GASK1A: variants seen among roughly 807,000 people sequenced by gnomAD.
The protein encoded by GASK1A is golgi associated kinase 1A, also known as Golgi-associated kinase 1A.
GASK1A carries 40 observed loss-of-function variants against 41.2 expected under a neutral mutation model. That is an observed-to-expected ratio of 0.97 (90% CI 0.75 to 1.27). The LOEUF is 1.27. GASK1A is among the 50% of genes most tolerant of loss of function. GASK1A has a pLI of 0.00. For synonymous variants in GASK1A, 316 were observed against 307.1 expected (o/e 1.03, Z -0.30); for missense variants, 678 against 745.1 (o/e 0.91, Z 1.05).
intron 1 of GASK1A, among the ~76,000 whole-genome samples, chr3:43,030,293 G>T (rs892947419): frequency 1.3e-5 from 2 of 152,200 alleles, no homozygotes; most frequent in Non-Finnish European, 2.9e-5. Flanking sequence ...AGGCATGAGC[G>T]ACCGCGCCCA....
At chr3:43,052,782 A>G (rs2089697315) in intron 2 of GASK1A, among the ~76,000 whole-genome samples, 1 of 152,176 alleles carries the variant, frequency 6.6e-6, no homozygotes, top group Non-Finnish European at 1.5e-5. Context: ...TGTCCTAGAT[A>G]CTTACAGCAG....
intron 1 of GASK1A, among the ~76,000 whole-genome samples, chr3:43,002,122 T>C (rs1451698546): frequency 3.3e-5 from 5 of 152,236 alleles, no homozygotes; most frequent in African/African-American, 7.2e-5. Flanking sequence ...TAGGTCCGCA[T>C]TCAAACATTC....
intron 1 of GASK1A, among the ~76,000 whole-genome samples, chr3:43,027,573 A>T (rs1461466610): frequency 6.6e-6 from 1 of 152,200 alleles, no homozygotes; most frequent in African/African-American, 2.4e-5. Context: ...AGGGAGGGCA[A>T]GGAGGGGGAA....
Position 43,033,065 on chromosome 3 carries a change from A to T in GASK1A, c.802A>T (p.Met268Leu), listed in dbSNP as rs1214921895. The T allele has an allele frequency of 3.2e-6, 5 of 1,551,686 alleles. No homozygotes were observed. In the East Asian group the frequency reaches 9.8e-5, roughly 30 times the overall value. ...ATGGCTGACAGACCACGATGTGCAG[A>T]TGCTCCGTCTGTTGGCACAGGGGGA... ...PPWLTDHDVQ[M>L]LRLLAQGEVV... The change falls in exon 2 of 5, where the codon ATG becomes TTG. Residue 268 changes from methionine to leucine, a missense_variant. Physicochemically the swap from Met to Leu is conservative, Grantham distance 15. Transcript: ENST00000430121.
In GASK1A at chr3:43,056,736, G is replaced by A. The variant is rs113216258; in HGVS notation, c.*350G>A. On this transcript the variant is annotated 3_prime_UTR_variant, in exon 5 of 5. Coordinates refer to ENST00000430121, the MANE Select transcript of GASK1A (RefSeq NM_001129908.3). The stretch of plus-strand genomic sequence containing the variant: ...GTAGGTGTGGGTGGCATGTGTGCCC[G>A]CCTGCATGCAATACCTGAGACCAAC... 20 of 174,710 alleles carry A rather than the reference G, an allele frequency of 1.1e-4. No homozygotes were observed. Among genetic ancestry groups the A allele is most frequent in the East Asian group, 3.0e-4 (2 of 6,662 alleles). The allele number at this position is 174,710 out of a possible 1,614,324, so 10.8% of individuals were successfully genotyped here.
At chr3:43,055,609 T>C (rs977057836) in intron 4 of GASK1A, 74 bp downstream of exon 4, 5 of 1,086,608 alleles carry the variant, frequency 4.6e-6, no homozygotes, top group Non-Finnish European at 6.9e-6. Context: ...CTTGGGACCT[T>C]CAACTGTGGC....
rs768249342 is a variant in GASK1A, at chr3:43,032,372, C to T, written c.109C>T (p.Arg37Cys). Residue 37 changes from arginine (R) to cysteine (C), a missense_variant, in exon 2 of 5, where the codon CGT becomes TGT. Transcript: ENST00000430121. ...AMAVTRFPPQRPSAGPDPGPM... is the reference protein window; with the variant it reads ...AMAVTRFPPQCPSAGPDPGPM... ...GGCTGTCACCCGCTTTCCCCCACAG[C>T]GTCCATCCGCCGGCCCAGACCCTGG... The T allele has an allele frequency of 9.7e-5, 151 of 1,551,520 alleles. No individual in the cohort carries two copies. The highest frequency in any genetic ancestry group is 1.2e-4 in the Non-Finnish European group (143 of 1,146,924).
chr3:43,037,102 C>A, intron 2 of GASK1A: 1 of 715,048 alleles, frequency 1.4e-6, no homozygotes, highest in South Asian at 1.9e-5. Context: ...GATTGCACAA[C>A]ACTAAAAGTC....
Position 43,032,728 on chromosome 3 carries a change from G to T in GASK1A, c.465G>T (p.Gln155His). 1.9e-6 allele frequency: 3 copies of T among 1,551,514 alleles called. No homozygotes were observed. The highest frequency in any genetic ancestry group is 2.6e-6 in the Non-Finnish European group (3 of 1,146,994). ...GAACCAAAGACCTGGGCCACCCCCA[G>T]CATGGCAGTCCCATCCAGGAGACAC... Reference protein sequence around the residue: ...DPGTKDLGHPQHGSPIQETQS... With the variant: ...DPGTKDLGHPHHGSPIQETQS... Residue 155 changes from glutamine (Q) to histidine (H), a missense_variant, in exon 2 of 5, where the codon CAG (glutamine) becomes CAT (histidine). Coordinates refer to ENST00000430121, the MANE Select transcript of GASK1A (RefSeq NM_001129908.3).
intron 1 of GASK1A, among the ~76,000 whole-genome samples, chr3:43,006,755 G>A (rs950055246): frequency 2.0e-5 from 3 of 152,154 alleles, no homozygotes; most frequent in South Asian, 2.1e-4. Flanking sequence ...ACAATCTCAG[G>A]AAACACCCAA....
intron 1 of GASK1A, among the ~76,000 whole-genome samples, chr3:42,988,009 A>AAAAAAAAAAAAG (rs1553613460): frequency 3.3e-5 from 5 of 149,854 alleles, no homozygotes; most frequent in Non-Finnish European, 5.9e-5. Flanking sequence ...AAAAAAAAAA[A>AAAAAAAAAAAAG]GGGATGGGGG....
In GASK1A at chr3:43,033,528, T is replaced by A; in HGVS notation, c.1265T>A (p.Leu422Gln). 1.3e-6 allele frequency: 2 copies of A among 1,539,152 alleles called. No homozygotes were observed. The highest frequency in any genetic ancestry group is 1.8e-6 in the Non-Finnish European group (2 of 1,138,694). The change falls in exon 2 of 5, where the codon CTG (leucine) becomes CAG (glutamine). Residue 422 changes from leucine (L) to glutamine (Q), a missense_variant. Transcript: ENST00000430121. ...ATCCACCATACCGAGTGGGCACGCC[T>A]GGCGCTCTTCGACTTCCTGTTGCAG... Reference protein sequence around the residue: ...PGIHHTEWARLALFDFLLQVH... With the variant: ...PGIHHTEWARQALFDFLLQVH...
At chr3:43,042,639 A>G (rs704912) in intron 2 of GASK1A, among the ~76,000 whole-genome samples, 55,490 of 152,084 alleles carry the variant, frequency 0.36, 10,697 homozygotes, top group East Asian at 0.57. Context: ...GATTCTTCTT[A>G]GCTTTCTTGC....
In GASK1A at chr3:43,032,770, C is replaced by T. The variant is rs748753192; in HGVS notation, c.507C>T (p.Thr169=). The T allele has an allele frequency of 4.5e-6, 7 of 1,551,058 alleles. No individual in the cohort carries two copies. The South Asian group carries it at 8.3e-5, about 18-fold the overall frequency. The change falls in exon 2 of 5, where the codon ACC becomes ACT. Residue 169 remains threonine (T), a synonymous_variant. Transcript: ENST00000430121. Reference sequence around the variant, plus strand: ...AGGAGACACAGAGTGAGGTGGTCACCCTGGTCAGTCCACTCCCAGGGAGTG... The same window carrying T: ...AGGAGACACAGAGTGAGGTGGTCACTCTGGTCAGTCCACTCCCAGGGAGTG... ...PIQETQSEVV[T]LVSPLPGSDM... is the part of the protein sequence containing the mutation.
chr3:42,979,590 G>A lies in GASK1A; in HGVS notation c.-53G>A. 1 of 1,240,150 alleles carries A rather than the reference G, an allele frequency of 8.1e-7. No individual in the cohort carries two copies. The highest frequency in any genetic ancestry group is 3.2e-5 in the East Asian group (1 of 31,664). The allele number at this position is 1,240,150 out of a possible 1,614,324, so 76.8% of individuals were successfully genotyped here. A position where few individuals can be genotyped will look rare whatever the true frequency, so the allele number is the denominator to read the frequency against. The stretch of plus-strand genomic sequence containing the variant: ...GGGCGGCCAAGGGGAGGCGGGATGA[G>A]TCTGCGAGCCGGCTGAGCGCGCCGA... On this transcript the variant is annotated 5_prime_UTR_variant, in exon 1 of 5. Coordinates refer to ENST00000430121, the MANE Select transcript of GASK1A (RefSeq NM_001129908.3).
chr3:43,037,289 C>T (rs775278699), intron 2 of GASK1A: 26 of 887,394 alleles, frequency 2.9e-5, no homozygotes, highest in African/African-American at 2.0e-4. Context: ...CCCAGATGAA[C>T]GGGACCCCAG....
chr3:43,033,168 A>G lies in GASK1A; in HGVS notation c.905A>G (p.Asp302Gly). The G allele has an allele frequency of 6.4e-7, 1 of 1,550,920 alleles. No homozygotes were observed. ...VGFSTEAALQ[D>G]LSSPRLSQLC... ...TTCTCCACTGAGGCTGCCCTTCAGGACCTGTCCTCTCCCAGGCTCAGCCAA... is the reference window on the plus strand; with the variant it reads ...TTCTCCACTGAGGCTGCCCTTCAGGGCCTGTCCTCTCCCAGGCTCAGCCAA... Residue 302 changes from aspartate (D) to glycine (G), a missense_variant, in exon 2 of 5, where the codon GAC (aspartate) becomes GGC (glycine). Transcript: ENST00000430121.
rs546496794 is a variant in GASK1A, at chr3:43,047,451, G to A, written c.1291-6070G>A. ...GGACCCAGCCATTCTCTCTGTAGTC[G>A]TTCCTCACAGAGCCCTGATTTGATT... On this transcript the variant is annotated intron_variant, in intron 2 of 4. Coordinates refer to ENST00000430121, the MANE Select transcript of GASK1A (RefSeq NM_001129908.3). Among the ~76,000 whole-genome samples, 148 of 152,308 alleles carry A rather than the reference G, an allele frequency of 9.7e-4. 1 individual carries two copies. The highest frequency in any genetic ancestry group is 3.3e-3 in the African/African-American group (139 of 41,566).
intron 1 of GASK1A, among the ~76,000 whole-genome samples, chr3:43,010,010 T>A (rs2089455470): frequency 6.6e-6 from 1 of 152,240 alleles, no homozygotes; most frequent in Admixed American, 6.5e-5. Context: ...AAAATTGTAA[T>A]GCAGCACAAT....
Sources: allele counts gnomAD v4.1 joint callset (sites outside exome capture counted in the v4.1 genomes callset), GRCh38; gene constraint gnomAD v4.1.1; transcripts MANE v1.5; gene names NCBI Gene and HGNC (gene_info 2026-07-23, HGNC 2026-07-21).